CCDC38: variants seen among roughly 807,000 people sequenced by gnomAD.
CCDC38 encodes the protein coiled-coil domain containing 38.
CCDC38 carries 69 observed loss-of-function variants against 72.8 expected under a neutral mutation model. The ratio of observed to expected loss-of-function variants is 0.95; its 90% CI spans 0.78 to 1.16. CCDC38 has a LOEUF of 1.16. Among genes scored for constraint, CCDC38 ranks in the 50% most tolerant of loss-of-function variants. The probability of loss-of-function intolerance (pLI) is 0.00; values close to 1 mark genes in which losing one functional copy is unlikely to be tolerated. For missense variants in CCDC38, 626 were observed against 638.9 expected, an observed-to-expected ratio of 0.98 and a Z score of 0.22; for synonymous variants, 201 against 213.2, an observed-to-expected ratio of 0.94 and a Z score of 0.50.
At chr12:95,877,535 G>T (rs2079648796) in intron 13 of CCDC38, among the ~76,000 whole-genome samples, 1 of 152,124 alleles carries the variant, frequency 6.6e-6, no homozygotes, top group African/African-American at 2.4e-5. Flanking sequence ...TTCATTTGAG[G>T]TTTTTATAAG....
At chr12:95,926,959 C>T (rs1205886253) in intron 2 of CCDC38, among the ~76,000 whole-genome samples, 1 of 151,964 alleles carries the variant, frequency 6.6e-6, no homozygotes, top group Non-Finnish European at 1.5e-5. Context: ...GCTTTACTTC[C>T]AAGTATGTGG....
intron 2 of CCDC38, among the ~76,000 whole-genome samples, chr12:95,925,131 A>G: frequency 6.6e-6 from 1 of 151,844 alleles, no homozygotes; most frequent in Non-Finnish European, 1.5e-5. Flanking sequence ...TACCTTGGGC[A>G]GTATGGCCAT....
intron 2 of CCDC38, among the ~76,000 whole-genome samples, chr12:95,927,000 G>GA (rs988889332): frequency 8.4e-4 from 127 of 151,800 alleles, no homozygotes; most frequent in African/African-American, 2.3e-3. Flanking sequence ...GTGTGGTACT[G>GA]AAAAAAATGT....
At chr12:95,875,836 A>G (rs987476568) in intron 13 of CCDC38, among the ~76,000 whole-genome samples, 7 of 152,184 alleles carry the variant, frequency 4.6e-5, no homozygotes, top group Admixed American at 1.3e-4. Context: ...CGTCAATTCT[A>G]CTTTCTTTCT....
intron 2 of CCDC38, among the ~76,000 whole-genome samples, chr12:95,931,174 AG>A (rs961486710): frequency 6.6e-5 from 10 of 152,226 alleles, no homozygotes; most frequent in Non-Finnish European, 1.2e-4. Context: ...TGGAGGCTCC[AG>A]GTGAGAATCA....
rs10507067 is a variant in CCDC38 at position 95,879,513 on chromosome 12, A to T, written c.1142+131T>A. On this transcript the variant is annotated intron_variant, in intron 12 of 15. Coordinates refer to ENST00000344280, the MANE Select transcript of CCDC38 (RefSeq NM_182496.3). This position sits in a 1 kb window ranked among gnomAD's most constrained non-coding sequence, Gnocchi z 5.5. ...CGACGTCTACGTTTTGCACTCCACAATGTAAACTATTAAAAACCCCAGCCT... is the reference window on the plus strand; with the variant it reads ...CGACGTCTACGTTTTGCACTCCACATTGTAAACTATTAAAAACCCCAGCCT... The T allele has an allele frequency of 0.15, 86,256 of 569,640 alleles. 7,915 individuals are homozygous for T. The highest frequency in any genetic ancestry group is 0.19 in the Non-Finnish European group (62,322 of 328,038). The allele number at this position is 569,640 out of a possible 1,614,324, so 35.3% of individuals were successfully genotyped here. A position where few individuals can be genotyped will look rare whatever the true frequency, so the allele number is the denominator to read the frequency against.
chr12:95,893,016 A>T (rs1166906466), intron 8 of CCDC38, among the ~76,000 whole-genome samples: 2 of 152,184 alleles, frequency 1.3e-5, no homozygotes, highest in Non-Finnish European at 2.9e-5. Context: ...TTACCTTCCG[A>T]ATTCAAAAGT....
At position 95,936,480 on chromosome 12, in the gene CCDC38, A is replaced by G; in HGVS notation, c.30T>C (p.Asn10=). 6.2e-7 allele frequency: 1 copy of G among 1,612,952 alleles called. No individual in the cohort carries two copies. Among genetic ancestry groups the G allele is most frequent in the Non-Finnish European group, 8.5e-7 (1 of 1,179,792 alleles). The change falls in exon 2 of 16, where the codon AAT becomes AAC. Residue 10 remains asparagine, a synonymous_variant. Transcript: ENST00000344280. The stretch of plus-strand genomic sequence containing the variant: ...TGATTGATTTCTTTTTACCTCCAGA[A>G]TTCAGTGTTGGCAATAAATTTGAGG... MSSNLLPTL[N]SGGKVKDGST... is the part of the protein sequence containing the mutation.
chr12:95,929,598 T>TA (rs2080314935), intron 2 of CCDC38, among the ~76,000 whole-genome samples: 1 of 152,232 alleles, frequency 6.6e-6, no homozygotes, highest in Admixed American at 6.5e-5. Context: ...ATGCCTGAGT[T>TA]AAAATCTCTA....
chr12:95,894,908 T>C, intron 8 of CCDC38, 81 bp downstream of exon 8: 4 of 1,138,336 alleles, frequency 3.5e-6, no homozygotes, highest in Non-Finnish European at 5.0e-6. Context: ...AAAAAATATC[T>C]ATTTAGATAA....
chr12:95,933,650 A>G (rs2080361088), intron 2 of CCDC38: 2 of 152,250 alleles, frequency 1.3e-5, no homozygotes, highest in Non-Finnish European at 2.9e-5. Flanking sequence ...ATACTCAGCT[A>G]ACGTCAGATT....
intron 13 of CCDC38, 27 bp from the exon 14 acceptor site, chr12:95,872,487 T>A: frequency 7.1e-7 from 1 of 1,400,046 alleles, no homozygotes; most frequent in Non-Finnish European, 1.0e-6. Flanking sequence ...CAGAAAACAT[T>A]AACATCACAT....
intron 5 of CCDC38, 25 bp downstream of exon 5, chr12:95,906,362 A>AG: frequency 1.3e-6 from 2 of 1,517,924 alleles, no homozygotes; most frequent in Non-Finnish European, 9.1e-7. Context: ...CCACTTGGCT[A>AG]GGGGAGAAAA....
Position 95,879,855 on chromosome 12 carries a change from GA to G in CCDC38, c.991-61del. 2 of 1,292,026 alleles carry G rather than the reference GA, an allele frequency of 1.5e-6. No homozygotes were observed. The highest frequency in any genetic ancestry group is 2.2e-6 in the Non-Finnish European group (2 of 929,458). 80.0% of individuals were successfully genotyped at this position (1,292,026 alleles called of 1,614,324 possible). Reference sequence around the variant, plus strand: ...AAAAATATGCTACCTATGCACATGTGACTTATCTAGAAAATACAGTGGGGTA... The same window carrying G: ...AAAAATATGCTACCTATGCACATGTGCTTATCTAGAAAATACAGTGGGGTA... On this transcript the variant is annotated intron_variant, in intron 11 of 15. Transcript: ENST00000344280. This position sits in a 1 kb window ranked among gnomAD's most constrained non-coding sequence, Gnocchi z 5.5.
At chr12:95,918,199 G>A (rs764054973) in intron 3 of CCDC38, among the ~76,000 whole-genome samples, 2 of 152,272 alleles carry the variant, frequency 1.3e-5, no homozygotes, top group South Asian at 2.1e-4. Context: ...CACAGCAGTG[G>A]TGAGATTAAC....
chr12:95,918,665 C>G (rs1484806922), intron 3 of CCDC38, among the ~76,000 whole-genome samples: 1 of 152,148 alleles, frequency 6.6e-6, no homozygotes, highest in East Asian at 1.9e-4. Flanking sequence ...TATCTCTCTT[C>G]CTCCGTTAGG....
chr12:95,870,304 C>G (rs1449169111), intron 14 of CCDC38, among the ~76,000 whole-genome samples: 1 of 152,136 alleles, frequency 6.6e-6, no homozygotes, highest in Non-Finnish European at 1.5e-5. Flanking sequence ...TTGTCATACT[C>G]TCTTTAGGGT....
chr12:95,916,885 T>G (rs2080150388), intron 4 of CCDC38, among the ~76,000 whole-genome samples: 1 of 152,174 alleles, frequency 6.6e-6, no homozygotes, highest in Non-Finnish European at 1.5e-5. Flanking sequence ...TAATACTACA[T>G]TCTTTTGGCA....
At chr12:95,929,907 T>C (rs2080319111) in intron 2 of CCDC38, among the ~76,000 whole-genome samples, 1 of 152,146 alleles carries the variant, frequency 6.6e-6, no homozygotes, top group South Asian at 2.1e-4. Flanking sequence ...TTCTGATGGC[T>C]CTAGACATTC....
Sources: allele counts gnomAD v4.1 joint callset (sites outside exome capture counted in the v4.1 genomes callset), GRCh38; gene constraint gnomAD v4.1.1; non-coding constraint Gnocchi (gnomAD v3.1); transcripts MANE v1.5; gene names NCBI Gene and HGNC (gene_info 2026-07-23, HGNC 2026-07-21).